Variants in CLK3 observed in about 807,000 individuals in gnomAD.
The protein encoded by CLK3 is CDC like kinase 3.
Under a neutral mutation model 65.2 loss-of-function variants are expected in CLK3, and 24 were observed. That is an observed-to-expected ratio of 0.37 (90% CI 0.27 to 0.52). CLK3 has a LOEUF of 0.52. Ranked by LOEUF, CLK3 falls within the 20% of genes least tolerant of loss-of-function variation. CLK3 has a pLI of 0.92. For synonymous variants in CLK3, 252 were observed against 240.8 expected (o/e 1.05, Z -0.43); for missense variants, 506 against 660.0 (o/e 0.77, Z 2.56).
Position 74,618,761 on chromosome 15 carries a change from C to G in CLK3, c.1-436C>G, listed in dbSNP as rs1304992266. On this transcript the variant is annotated intron_variant, in intron 1 of 12. Transcript: ENST00000395066. ...GAGCCCTCGCCTCCTGTGTACAGCC[C>G]TTTGCCTGGCCTTTGGCTTTACAGA... is the stretch of plus-strand genomic sequence containing the variant. Among the ~76,000 whole-genome samples, 4 of 152,248 alleles carry G rather than the reference C, an allele frequency of 2.6e-5. No homozygotes were observed. In the East Asian group the frequency reaches 7.7e-4, roughly 29 times the overall value.
Position 74,620,151 on chromosome 15 carries a change from G to A in CLK3, c.295G>A (p.Gly99Arg), listed in dbSNP as rs1320945768. The change falls in exon 3 of 13, where the codon GGG (glycine) becomes AGG (arginine). Residue 99 changes from glycine (G) to arginine (R), a missense_variant. Transcript: ENST00000395066. ...SRHRRRSRER[G>R]PYRTRKHAHH... ...TCATCGTCGGCGATCGCGGGAGAGG[G>A]GGCCATACCGGACCCGCAAGCATGC... 1 of 1,613,994 alleles carries A rather than the reference G, an allele frequency of 6.2e-7. No individual in the cohort carries two copies. The highest frequency in any genetic ancestry group is 8.5e-7 in the Non-Finnish European group (1 of 1,180,048).
rs1355150488 is a variant in CLK3, at chr15:74,627,890, C to T, written c.1043-80C>T. On this transcript the variant is annotated intron_variant, in intron 9 of 12. Transcript: ENST00000395066. This position sits in a 1 kb window ranked among gnomAD's most constrained non-coding sequence, Gnocchi z 4.3. ...GGATTTGGGCAAGAGTCCTGCCAGC[C>T]GGTGTGGTGGCTGCCTTGTGACTTC... 8 of 1,259,004 alleles carry T rather than the reference C, an allele frequency of 6.4e-6. No individual in the cohort carries two copies. Among genetic ancestry groups the T allele is most frequent in the Non-Finnish European group, 8.1e-6 (7 of 860,912 alleles). The allele number at this position is 1,259,004 out of a possible 1,614,324, so 78.0% of individuals were successfully genotyped here.
At chr15:74,626,928 T>A in intron 7 of CLK3, 1 of 454,440 alleles carries the variant, frequency 2.2e-6, no homozygotes, top group South Asian at 1.6e-5. Context: ...AATGTCCTTT[T>A]GCCACCACCT....
chr15:74,626,109 A>C (rs576467065), intron 7 of CLK3, 141 bp downstream of exon 7: 1 of 989,596 alleles, frequency 1.0e-6, no homozygotes, highest in Non-Finnish European at 1.5e-6. Context: ...CTTTGGCGGA[A>C]AGGCCTGTCT....
rs1306131880 is a variant in CLK3 at position 74,629,908 on chromosome 15, G to A, written c.*25G>A. The A allele has an allele frequency of 2.5e-6, 4 of 1,590,738 alleles. No individual in the cohort carries two copies. Among genetic ancestry groups the A allele is most frequent in the Non-Finnish European group, 3.4e-6 (4 of 1,168,682 alleles). ...ACAGGCACAGGCCACCGCATGAGGA[G>A]ATGGAGGGCGGGACTGGGCCGCCCA... On this transcript the variant is annotated 3_prime_UTR_variant, in exon 13 of 13. Transcript: ENST00000395066.
chr15:74,608,540 C>T (rs1266401165), intron 1 of CLK3: 2 of 152,166 alleles, frequency 1.3e-5, no homozygotes, highest in Non-Finnish European at 2.9e-5. Context: ...CCTGCACACA[C>T]AGAACCCCTT....
upstream of CLK3, among the ~76,000 whole-genome samples, chr15:74,611,369 A>C (rs2061987194): frequency 6.6e-6 from 1 of 152,242 alleles, no homozygotes; most frequent in African/African-American, 2.4e-5. Flanking sequence ...TTTCAGCTAC[A>C]GAAAGCCCAG....
intron 1 of CLK3, among the ~76,000 whole-genome samples, chr15:74,618,343 T>A (rs920847363): frequency 3.3e-5 from 5 of 152,058 alleles, no homozygotes; most frequent in African/African-American, 1.2e-4. Context: ...ACAGGGATAG[T>A]GAGGTGGGGC....
Position 74,627,649 on chromosome 15 carries a change from C to T in CLK3, c.1023C>T (p.Arg341=), listed in dbSNP as rs763260085. 1 of 1,613,870 alleles carries T rather than the reference C, an allele frequency of 6.2e-7. No individual in the cohort carries two copies. Among genetic ancestry groups the T allele is most frequent in the East Asian group, 2.2e-5 (1 of 44,890 alleles). ...CCATTGTGGCCACCCGTCACTATCG[C>T]CCGCCTGAGGTGATCCTTGGTGAGT... The part of the protein sequence containing the change: ...HTTIVATRHY[R]PPEVILELGW... Residue 341 remains arginine (R), a synonymous_variant, in exon 9 of 13, where the codon CGC becomes CGT. Transcript: ENST00000395066. The surrounding 1 kb of genome is among the most constrained non-coding windows in gnomAD (Gnocchi z 4.3).
chr15:74,624,478 T>C lies in CLK3; in HGVS notation c.534-424T>C. On this transcript the variant is annotated intron_variant, in intron 5 of 12. Transcript: ENST00000395066. The surrounding 1 kb of genome is among the most constrained non-coding windows in gnomAD (Gnocchi z 4.2). The stretch of plus-strand genomic sequence containing the variant: ...ACCCCCATCCCTGTTTGCTCAGACT[T>C]GCAGACAAGCTCAGGAAGGTCAAGA... 5.6e-6 allele frequency: 1 copy of C among 177,364 alleles called. No individual in the cohort carries two copies. The highest frequency in any genetic ancestry group is 1.2e-5 in the Non-Finnish European group (1 of 82,984). The allele number at this position is 177,364 out of a possible 1,614,324, so 11.0% of individuals were successfully genotyped here.
intron 7 of CLK3, among the ~76,000 whole-genome samples, chr15:74,626,419 A>G (rs998940552): frequency 6.6e-6 from 1 of 152,228 alleles, no homozygotes; most frequent in East Asian, 1.9e-4. Context: ...GCGCAGTAGG[A>G]TTTGCAATGG....
At chr15:74,625,724 G>A in intron 6 of CLK3, 78 bp from the exon 7 acceptor site, 1 of 1,514,030 alleles carries the variant, frequency 6.6e-7, no homozygotes, top group Admixed American at 1.7e-5. Flanking sequence ...AGAGAGTTGG[G>A]AACTGTCTTC....
At chr15:74,619,809 A>T (rs1010151183) in intron 2 of CLK3, among the ~76,000 whole-genome samples, 200 bp from the exon 3 acceptor site, 3 of 152,114 alleles carry the variant, frequency 2.0e-5, no homozygotes, top group African/African-American at 7.2e-5. Context: ...CTACAGCTGG[A>T]GGATGCTGTC....
chr15:74,619,819 C>T (rs1021044051), intron 2 of CLK3, 190 bp from the exon 3 acceptor site: 18 of 831,076 alleles, frequency 2.2e-5, no homozygotes, highest in South Asian at 1.5e-4. Flanking sequence ...AGGATGCTGT[C>T]GTTGGACAGG....
chr15:74,619,000 G>C (rs1335313860), intron 1 of CLK3, 197 bp from the exon 2 acceptor site: 2 of 599,518 alleles, frequency 3.3e-6, no homozygotes, highest in Non-Finnish European at 5.8e-6. Context: ...TTCACTGGCA[G>C]AGAAAGTTGT....
upstream of CLK3, chr15:74,615,419 C>T (rs2062044591): frequency 1.6e-6 from 2 of 1,265,216 alleles, no homozygotes; most frequent in Non-Finnish European, 2.0e-6. Context: ...ACACAGACCT[C>T]AGGCCGCTCT....
In CLK3 at chr15:74,622,968, A is replaced by T. The variant is rs1465572424; in HGVS notation, c.533+408A>T. 6.6e-6 allele frequency among the ~76,000 whole-genome samples: 1 copy of T among 152,192 alleles called. No individual in the cohort carries two copies. The highest frequency in any genetic ancestry group is 6.5e-5 in the Admixed American group (1 of 15,288). ...TAAGCCCAGCCCAAGCATAAGTCCC[A>T]TTCCCTGAGGGTCTGCCTGAGAGGC... On this transcript the variant is annotated intron_variant, in intron 5 of 12. Coordinates refer to ENST00000395066, the MANE Select transcript of CLK3 (RefSeq NM_001130028.2). The surrounding 1 kb of genome is among the most constrained non-coding windows in gnomAD (Gnocchi z 4.6).
chr15:74,608,407 G>A (rs1356872110), exon 1 of CLK3: 1 of 152,446 alleles, frequency 6.6e-6, no homozygotes, highest in East Asian at 1.9e-4. Flanking sequence ...GAGTGTACTG[G>A]AAGAAATGGT....
At position 74,620,166 on chromosome 15, in the gene CLK3, C is replaced by T. The variant is rs757740424; in HGVS notation, c.310C>T (p.Arg104Cys). 49 of 1,613,926 alleles carry T rather than the reference C, an allele frequency of 3.0e-5. No homozygotes were observed. Among genetic ancestry groups the T allele is most frequent in the Non-Finnish European group, 3.6e-5 (43 of 1,180,046 alleles). ...RSRERGPYRTRKHAHHCHKRR... is the reference protein window; with the variant it reads ...RSRERGPYRTCKHAHHCHKRR... ...GCGGGAGAGGGGGCCATACCGGACC[C>T]GCAAGCATGCCCACCACTGCCACAA... Residue 104 changes from arginine to cysteine, a missense_variant, in exon 3 of 13, where the codon CGC (arginine) becomes TGC (cysteine). Arg to Cys is a radical substitution (Grantham distance 180, BLOSUM62 -3). Coordinates refer to ENST00000395066, the MANE Select transcript of CLK3 (RefSeq NM_001130028.2).
Sources: allele counts gnomAD v4.1 joint callset (sites outside exome capture counted in the v4.1 genomes callset), GRCh38; gene constraint gnomAD v4.1.1; non-coding constraint Gnocchi (gnomAD v3.1); transcripts MANE v1.5; gene names NCBI Gene and HGNC (gene_info 2026-07-23, HGNC 2026-07-21).